The following DIS3L2 variants were observed in gnomAD, a reference collection of about 807,000 sequenced individuals.
DIS3L2 encodes the protein DIS3 like 3'-5' exoribonuclease 2.
In DIS3L2, 34 loss-of-function variants were observed where a neutral mutation model predicts 97.5. The observed-to-expected ratio is 0.35, with a 90% confidence interval of 0.27 to 0.46. DIS3L2 has a LOEUF of 0.46. Among genes scored for constraint, DIS3L2 ranks in the 20% least tolerant of loss-of-function variants. DIS3L2 has a pLI of 1.00. For missense variants in DIS3L2, 1,038 were observed against 1,146.0 expected (o/e 0.91, Z 1.36); for synonymous variants, 435 against 445.2 (o/e 0.98, Z 0.29).
chr2:232,320,763 C>T (rs1695409780), intron 14 of DIS3L2, among the ~76,000 whole-genome samples: 1 of 152,282 alleles, frequency 6.6e-6, no homozygotes, highest in Non-Finnish European at 1.5e-5. Flanking sequence ...CTCATTTGTT[C>T]CCCCAAACAT....
At chr2:231,972,483 G>C (rs1692947988) in intron 1 of DIS3L2, among the ~76,000 whole-genome samples, 1 of 152,202 alleles carries the variant, frequency 6.6e-6, no homozygotes, top group South Asian at 2.1e-4. Context: ...GACTGCCATA[G>C]CATATATGTC....
chr2:232,112,961 A>G lies in DIS3L2; in HGVS notation c.602-17658A>G, dbSNP rs137885420. ...CTGGATGATAGGTAGAGTAATACCTATAGTGGGATTAGTACAGGATGCACA... is the reference window on the plus strand; with the variant it reads ...CTGGATGATAGGTAGAGTAATACCTGTAGTGGGATTAGTACAGGATGCACA... On this transcript the variant is annotated intron_variant, in intron 6 of 20. Coordinates refer to ENST00000325385, the MANE Select transcript of DIS3L2 (RefSeq NM_152383.5). Among the ~76,000 whole-genome samples, 202 of 152,224 alleles carry G rather than the reference A, an allele frequency of 1.3e-3. 3 individuals are homozygous for G. The highest frequency in any genetic ancestry group is 3.9e-3 in the African/African-American group (160 of 41,548).
At chr2:232,138,367 AATC>A (rs1347350249) in intron 8 of DIS3L2, among the ~76,000 whole-genome samples, 1 of 152,206 alleles carries the variant, frequency 6.6e-6, no homozygotes, top group African/African-American at 2.4e-5. Flanking sequence ...AAATGAAGAT[AATC>A]ATATTTAGAT....
intron 6 of DIS3L2, among the ~76,000 whole-genome samples, chr2:232,100,461 C>T (rs958795313): frequency 2.2e-4 from 34 of 151,830 alleles, no homozygotes; most frequent in Non-Finnish European, 4.4e-4. Context: ...GAGTTGAGTA[C>T]TTAGCTTATT....
intron 6 of DIS3L2, among the ~76,000 whole-genome samples, chr2:232,127,332 G>T (rs1281183426): frequency 1.3e-5 from 2 of 152,168 alleles, no homozygotes; most frequent in Admixed American, 6.5e-5. Flanking sequence ...TGTGCCATAA[G>T]TGATGCCACT....
At chr2:231,971,289 A>G (rs1692899705) in intron 1 of DIS3L2, among the ~76,000 whole-genome samples, 1 of 148,320 alleles carries the variant, frequency 6.7e-6, no homozygotes. Context: ...TTTTTTTGAG[A>G]CAGAGTCTCA....
chr2:232,333,782 T>TAAAAA, intron 16 of DIS3L2, 58 bp from the exon 17 acceptor site: 2 of 1,541,058 alleles, frequency 1.3e-6, no homozygotes, highest in Non-Finnish European at 8.7e-7. Flanking sequence ...GTGCCAGCCT[T>TAAAAA]CCAGGCCTGG....
At chr2:232,088,248 A>G (rs533318059) in intron 6 of DIS3L2, among the ~76,000 whole-genome samples, 8 of 142,462 alleles carry the variant, frequency 5.6e-5, no homozygotes, top group African/African-American at 1.9e-4. Flanking sequence ...AAAATGCAAA[A>G]AAATTAGCCA....
intron 1 of DIS3L2, among the ~76,000 whole-genome samples, chr2:232,002,984 A>G (rs909749538): frequency 1.3e-5 from 2 of 152,182 alleles, no homozygotes; most frequent in Non-Finnish European, 2.9e-5. Flanking sequence ...AGTGGCCTCA[A>G]CTCAATCAAG....
chr2:232,340,847 A>G (rs542287665), downstream of DIS3L2: 42 of 471,522 alleles, frequency 8.9e-5, no homozygotes, highest in East Asian at 1.5e-3. Flanking sequence ...GCTCATGCCT[A>G]TCCGTGCACA....
intron 19 of DIS3L2, 198 bp downstream of exon 19, chr2:232,334,933 C>T: frequency 1.8e-6 from 1 of 569,302 alleles, no homozygotes; most frequent in Non-Finnish European, 3.1e-6. Context: ...GGCCTGGCCC[C>T]CTTCCCCAAG....
chr2:232,077,955 C>CTCTTTCTTTCTTTCTTTCTTTTCTTTCTT (rs1696248929), intron 5 of DIS3L2, among the ~76,000 whole-genome samples: 2 of 108,772 alleles, frequency 1.8e-5, no homozygotes, highest in Non-Finnish European at 3.6e-5. Context: ...TTCTTTCTTT[C>CTCTTTCTTTCTTTCTTTCTTTTCTTTCTT]TCTTTCTTTC....
At chr2:232,099,589 A>C (rs1045417607) in intron 6 of DIS3L2, among the ~76,000 whole-genome samples, 1 of 152,222 alleles carries the variant, frequency 6.6e-6, no homozygotes, top group Non-Finnish European at 1.5e-5. Context: ...AATCAAGATT[A>C]TAATAAATTA....
At chr2:232,198,380 A>C (rs1691812998) in intron 9 of DIS3L2, 1 of 152,210 alleles carries the variant, frequency 6.6e-6, no homozygotes, top group African/African-American at 2.4e-5. Flanking sequence ...TTAGGGGCTT[A>C]GGTATTTGAT....
At chr2:232,029,841 G>A (rs545219971) in intron 4 of DIS3L2, 138 bp from the exon 5 acceptor site, 14 of 611,160 alleles carry the variant, frequency 2.3e-5, no homozygotes, top group South Asian at 2.0e-4. Flanking sequence ...AAAGGTATCA[G>A]CATGCTTTAT....
chr2:232,173,747 A>G (rs1035777464), intron 9 of DIS3L2, among the ~76,000 whole-genome samples: 3 of 152,202 alleles, frequency 2.0e-5, no homozygotes, highest in Non-Finnish European at 4.4e-5. Flanking sequence ...TTATTTGACC[A>G]TAAATGTATT....
intron 6 of DIS3L2, among the ~76,000 whole-genome samples, chr2:232,123,376 A>C (rs923554893): frequency 1.3e-5 from 2 of 152,152 alleles, no homozygotes; most frequent in Admixed American, 1.3e-4. Context: ...GAATGTGAGT[A>C]CCCACTTCTC....
intron 5 of DIS3L2, among the ~76,000 whole-genome samples, chr2:232,066,541 A>G (rs924220877): frequency 6.6e-6 from 1 of 151,960 alleles, no homozygotes; most frequent in African/African-American, 2.4e-5. Flanking sequence ...TGGTATTATT[A>G]TGTCTTTGGT....
intron 16 of DIS3L2, among the ~76,000 whole-genome samples, chr2:232,333,042 C>G (rs1364322079): frequency 4.6e-5 from 7 of 151,904 alleles, no homozygotes; most frequent in African/African-American, 1.7e-4. Flanking sequence ...GCTTGTGTCT[C>G]CAGCAGACAG....
Sources: allele counts gnomAD v4.1 joint callset (sites outside exome capture counted in the v4.1 genomes callset), GRCh38; gene constraint gnomAD v4.1.1; transcripts MANE v1.5; gene names NCBI Gene and HGNC (gene_info 2026-07-23, HGNC 2026-07-21).